Variants in AKT3 observed in about 807,000 individuals in gnomAD.
AKT3 encodes AKT serine/threonine kinase 3.
AKT3 carries 15 observed loss-of-function variants against 65.3 expected under a neutral mutation model. The ratio of observed to expected loss-of-function variants is 0.23; its 90% confidence interval spans 0.15 to 0.35. The LOEUF is 0.35. Ranked by LOEUF, AKT3 falls within the 10% of genes least tolerant of loss-of-function variation. AKT3 has a pLI of 1.00. For missense variants in AKT3, 243 were observed against 576.5 expected (o/e 0.42, Z 5.92); for synonymous variants, 206 against 183.8 (o/e 1.12, Z -0.98).
At chr1:243,530,560 AT>A (rs902943847) in intron 12 of AKT3, among the ~76,000 whole-genome samples, 76 of 152,332 alleles carry the variant, frequency 5.0e-4, no homozygotes, top group African/African-American at 1.7e-3. Context: ...AAACGCCCAC[AT>A]AAAAAGTTAG....
chr1:243,490,586 A>G (rs993739751), intron 13 of AKT3, among the ~76,000 whole-genome samples: 1 of 152,244 alleles, frequency 6.6e-6, no homozygotes, highest in Non-Finnish European at 1.5e-5. Context: ...TTCCAGCCTC[A>G]GTTTCTCCTC....
At chr1:243,715,935 T>C (rs1686487375) in intron 2 of AKT3, among the ~76,000 whole-genome samples, 2 of 152,124 alleles carry the variant, frequency 1.3e-5, no homozygotes, top group South Asian at 4.1e-4. Flanking sequence ...AGAATAATGA[T>C]GGCTTTGTCC....
In AKT3 at chr1:243,759,248, G is replaced by A. The variant is rs557657039; in HGVS notation, c.47-63532C>T. The stretch of plus-strand genomic sequence containing the variant: ...GAGGAGAGCTTGAGCCCAGGAGGTC[G>A]AGGCTGCAGTGAGCTATGATCGGAC... On this transcript the variant is annotated intron_variant, in intron 2 of 13. Coordinates refer to ENST00000673466, the MANE Select transcript of AKT3 (RefSeq NM_005465.7). Among the ~76,000 whole-genome samples the A allele has an allele frequency of 7.2e-5, 11 of 152,222 alleles. No homozygotes were observed. The East Asian group carries it at 9.7e-4, about 13-fold the overall frequency.
At chr1:243,545,975 T>G (rs1287270594) in intron 11 of AKT3, among the ~76,000 whole-genome samples, 1 of 152,140 alleles carries the variant, frequency 6.6e-6, no homozygotes, top group Non-Finnish European at 1.5e-5. Context: ...AGGAATATGG[T>G]TTGGCTGTGT....
intron 8 of AKT3, among the ~76,000 whole-genome samples, chr1:243,580,594 C>A (rs959638265): frequency 2.6e-5 from 4 of 152,180 alleles, no homozygotes; most frequent in African/African-American, 7.2e-5. Flanking sequence ...AGTACCCCAA[C>A]AACAGGGCTA....
rs752876589 is a variant in AKT3, at chr1:243,563,829, T to C, written c.839A>G (p.Asp280Gly). The change falls in exon 10 of 14, where the codon GAC (aspartate) becomes GGC (glycine). Residue 280 changes from aspartate to glycine, a missense_variant. Transcript: ENST00000673466. ...TGTAATTTTTATGTGGCCATCTTTG[T>C]CCAGCATTAGATTCTCCAACTGTGT... ...RDLKLENLML[D>G]KDGHIKITDF... The C allele has an allele frequency of 6.2e-7, 1 of 1,612,608 alleles. No homozygotes were observed. The highest frequency in any genetic ancestry group is 8.5e-7 in the Non-Finnish European group (1 of 1,179,452).
At chr1:243,796,360 G>T (rs567671466) in intron 2 of AKT3, among the ~76,000 whole-genome samples, 1 of 152,326 alleles carries the variant, frequency 6.6e-6, no homozygotes, top group Non-Finnish European at 1.5e-5. Context: ...ATTTCTCAAA[G>T]TCCGATCACA....
At chr1:243,573,490 C>T (rs189363476) in intron 8 of AKT3, among the ~76,000 whole-genome samples, 200 of 152,086 alleles carry the variant, frequency 1.3e-3, no homozygotes, top group Non-Finnish European at 2.2e-3. Flanking sequence ...CTGATTTACG[C>T]GAACTTGTTA....
chr1:243,502,765 G>C lies in AKT3; in HGVS notation c.*2484C>G, dbSNP rs1024099545. 3 of 233,194 alleles carry C rather than the reference G, an allele frequency of 1.3e-5. No individual in the cohort carries two copies. Among genetic ancestry groups the C allele is most frequent in the Non-Finnish European group, 2.5e-5 (3 of 118,068 alleles). 14.4% of individuals were successfully genotyped at this position (233,194 alleles called of 1,614,324 possible). A position where few individuals can be genotyped will look rare whatever the true frequency, so the allele number is the denominator to read the frequency against. On this transcript the variant is annotated 3_prime_UTR_variant, in exon 14 of 14. Transcript: ENST00000673466. ...TGGAATAGAAGTGACTGAGCCCCAG[G>C]CATGGCTGGGAACTGAGAGCCAGTG...
Position 243,573,005 on chromosome 1 carries a change from C to T in AKT3, c.740G>A (p.Arg247His), listed in dbSNP as rs2148507597. ...LSRERVFSED[R>H]TRFYGAEIVS... is the part of the protein sequence containing the mutation. ...AATTTCTGCACCATAGAAACGTGTG[C>T]GGTCCTCAGAGAACACCCGCTCTCT... The change falls in exon 9 of 14, where the codon CGC becomes CAC. Residue 247 changes from arginine (R) to histidine (H), a missense_variant. This residue lies in a region of AKT3 where 61 missense variants were observed against 163.3 expected (regional missense o/e 0.37). Coordinates refer to ENST00000673466, the MANE Select transcript of AKT3 (RefSeq NM_005465.7). 1.2e-6 allele frequency: 2 copies of T among 1,612,656 alleles called. No individual in the cohort carries two copies. The highest frequency in any genetic ancestry group is 1.7e-6 in the Non-Finnish European group (2 of 1,179,306).
chr1:243,713,737 T>C (rs1686300954), intron 2 of AKT3, among the ~76,000 whole-genome samples: 1 of 127,766 alleles, frequency 7.8e-6, no homozygotes, highest in African/African-American at 3.0e-5. Flanking sequence ...CAAGGCTGCT[T>C]TGCCTTAATA....
At chr1:243,821,479 A>G (rs923350916) in intron 2 of AKT3, among the ~76,000 whole-genome samples, 1 of 152,208 alleles carries the variant, frequency 6.6e-6, no homozygotes, top group African/African-American at 2.4e-5. Flanking sequence ...ATTAAAAGAC[A>G]CAGAATGGCT....
At chr1:243,758,523 GC>G (rs1406171217) in intron 2 of AKT3, among the ~76,000 whole-genome samples, 1 of 152,152 alleles carries the variant, frequency 6.6e-6, no homozygotes, top group East Asian at 1.9e-4. Context: ...GTAATGAGGA[GC>G]CAGATCATCT....
chr1:243,813,054 G>A (rs1693275256), intron 2 of AKT3, among the ~76,000 whole-genome samples: 1 of 150,928 alleles, frequency 6.6e-6, no homozygotes, highest in African/African-American at 2.4e-5. Flanking sequence ...GGGAGGGATA[G>A]CATTAGGAGA....
chr1:243,671,261 G>T (rs917371351), intron 3 of AKT3, among the ~76,000 whole-genome samples: 4 of 151,948 alleles, frequency 2.6e-5, no homozygotes, highest in Non-Finnish European at 4.4e-5. Context: ...TGTATTTTTA[G>T]TAGAGACGGG....
At chr1:243,718,561 T>C (rs1342726129) in intron 2 of AKT3, among the ~76,000 whole-genome samples, 1 of 152,126 alleles carries the variant, frequency 6.6e-6, no homozygotes, top group Non-Finnish European at 1.5e-5. Context: ...GTGATTCTCC[T>C]GCCTCAGCCT....
intron 2 of AKT3, among the ~76,000 whole-genome samples, chr1:243,748,416 A>G (rs1419720506): frequency 1.3e-5 from 2 of 152,176 alleles, no homozygotes; most frequent in African/African-American, 2.4e-5. Context: ...AAGGCCACAC[A>G]GTGTAAAACT....
chr1:243,748,273 T>G (rs1688599687), intron 2 of AKT3, among the ~76,000 whole-genome samples: 1 of 152,056 alleles, frequency 6.6e-6, no homozygotes, highest in African/African-American at 2.4e-5. Flanking sequence ...CTGACAAGCT[T>G]TCTAAACATG....
intron 3 of AKT3, among the ~76,000 whole-genome samples, chr1:243,678,372 T>C (rs946510420): frequency 2.6e-5 from 4 of 152,146 alleles, no homozygotes; most frequent in Non-Finnish European, 5.9e-5. Flanking sequence ...GATAGCAAGC[T>C]ATATGAAGTA....
Sources: allele counts gnomAD v4.1 joint callset (sites outside exome capture counted in the v4.1 genomes callset), GRCh38; gene constraint gnomAD v4.1.1; regional missense constraint gnomAD v4.1.1; transcripts MANE v1.5; gene names NCBI Gene and HGNC (gene_info 2026-07-23, HGNC 2026-07-21).